Variants in SPATS2L observed in about 807,000 individuals in gnomAD.
The protein encoded by SPATS2L is spermatogenesis associated serine rich 2 like.
SPATS2L carries 30 observed loss-of-function variants against 59.6 expected under a neutral mutation model. The ratio of observed to expected loss-of-function variants is 0.50; its 90% CI spans 0.38 to 0.68. The LOEUF is 0.68. Ranked by LOEUF, SPATS2L falls within the 30% of genes least tolerant of loss-of-function variation. SPATS2L has a pLI of 0.00. For synonymous variants in SPATS2L, 252 were observed against 263.5 expected, an observed-to-expected ratio of 0.96 and a Z score of 0.42; for missense variants, 615 against 700.0, an observed-to-expected ratio of 0.88 and a Z score of 1.37.
chr2:200,470,660 G>A (rs1288189992), intron 11 of SPATS2L, among the ~76,000 whole-genome samples: 3 of 152,144 alleles, frequency 2.0e-5, no homozygotes, highest in Non-Finnish European at 4.4e-5. Flanking sequence ...AAGGAGGAAA[G>A]GACTAGTCAA....
At chr2:200,410,080 A>G (rs1419477893) in intron 3 of SPATS2L, among the ~76,000 whole-genome samples, 4 of 151,910 alleles carry the variant, frequency 2.6e-5, no homozygotes, top group Admixed American at 1.3e-4. Context: ...CCTTTGTCTA[A>G]TATAACTATA....
At chr2:200,396,585 G>A (rs959914844) in intron 3 of SPATS2L, among the ~76,000 whole-genome samples, 1 of 152,148 alleles carries the variant, frequency 6.6e-6, no homozygotes, top group Non-Finnish European at 1.5e-5. Flanking sequence ...TTTATGTGGG[G>A]TGGAGTATGG....
At chr2:200,473,106 C>A in intron 12 of SPATS2L, 54 bp downstream of exon 12, 1 of 1,441,464 alleles carries the variant, frequency 6.9e-7, no homozygotes, top group South Asian at 1.3e-5. Context: ...AAACCTGTTT[C>A]CAGAGGAAGA....
chr2:200,387,205 T>C (rs2082019122), intron 2 of SPATS2L, among the ~76,000 whole-genome samples: 1 of 152,216 alleles, frequency 6.6e-6, no homozygotes, highest in Admixed American at 6.5e-5. Flanking sequence ...ACAAAAGTAT[T>C]TGGGGCCTTA....
chr2:200,448,396 C>T (rs1559141518), intron 8 of SPATS2L, among the ~76,000 whole-genome samples: 1 of 152,152 alleles, frequency 6.6e-6, no homozygotes, highest in African/African-American at 2.4e-5. Flanking sequence ...GAGCTGAGAT[C>T]ACACCACCGC....
intron 2 of SPATS2L, among the ~76,000 whole-genome samples, chr2:200,383,397 T>C (rs912970830): frequency 1.3e-5 from 2 of 152,366 alleles, no homozygotes; most frequent in African/African-American, 4.8e-5. Flanking sequence ...AGACAGCTTA[T>C]ATTCCTTTTT....
rs3835867 is a variant in SPATS2L, at chr2:200,322,816, GA to G, written c.-72-6609del. ...GTTTCAATTCTTAGTAAAAATGGGG[GA>G]AAAAACCCAACTCTAGGAGTAATAT... is the stretch of plus-strand genomic sequence containing the variant. On this transcript the variant is annotated intron_variant, in intron 1 of 12. Coordinates refer to ENST00000409140, the MANE Select transcript of SPATS2L (RefSeq NM_001100423.2). Among the ~76,000 whole-genome samples the G allele has an allele frequency of 1.0e-3, 154 of 152,192 alleles. 5 individuals carry two copies. The East Asian group carries it at 0.025, about 25-fold the overall frequency.
chr2:200,321,150 G>A (rs2079548296), intron 1 of SPATS2L, among the ~76,000 whole-genome samples: 2 of 152,214 alleles, frequency 1.3e-5, no homozygotes, highest in East Asian at 1.9e-4. Flanking sequence ...ATTTGTGTGA[G>A]GTTGTGAGTG....
At chr2:200,342,155 C>T (rs948867475) in intron 2 of SPATS2L, among the ~76,000 whole-genome samples, 2 of 152,198 alleles carry the variant, frequency 1.3e-5, no homozygotes, top group Middle Eastern at 3.2e-3. Context: ...CACTAACTAT[C>T]ACTCACTGTG....
chr2:200,435,596 C>T lies in SPATS2L; in HGVS notation c.446-3526C>T, dbSNP rs566427534. On this transcript the variant is annotated intron_variant, in intron 6 of 12. Coordinates refer to ENST00000409140, the MANE Select transcript of SPATS2L (RefSeq NM_001100423.2). ...TCATTCAGTATTTATTATGTATCTACGAGATACCAAGCACATACAGTAATG... is the reference window on the plus strand; with the variant it reads ...TCATTCAGTATTTATTATGTATCTATGAGATACCAAGCACATACAGTAATG... 1.2e-4 allele frequency among the ~76,000 whole-genome samples: 18 copies of T among 152,178 alleles called. No homozygotes were observed. In the South Asian group the frequency reaches 2.7e-3, roughly 23 times the overall value.
chr2:200,378,424 G>A, intron 2 of SPATS2L: 1 of 1,000,544 alleles, frequency 1.0e-6, no homozygotes, highest in Non-Finnish European at 1.2e-6. Flanking sequence ...GTAATGGGGT[G>A]GGAAAGGGGG....
chr2:200,353,948 T>C (rs995524920), intron 2 of SPATS2L, among the ~76,000 whole-genome samples: 5 of 152,232 alleles, frequency 3.3e-5, no homozygotes, highest in South Asian at 2.1e-4. Flanking sequence ...TGGTGTCCAT[T>C]GGAAATATAC....
At chr2:200,331,817 C>T (rs1028428863) in intron 2 of SPATS2L, among the ~76,000 whole-genome samples, 1 of 152,180 alleles carries the variant, frequency 6.6e-6, no homozygotes, top group African/African-American at 2.4e-5. Flanking sequence ...ATTGGTAAGA[C>T]AGTGGTCGAC....
At chr2:200,383,505 C>T (rs752423654) in intron 2 of SPATS2L, among the ~76,000 whole-genome samples, 2 of 152,084 alleles carry the variant, frequency 1.3e-5, no homozygotes, top group Non-Finnish European at 2.9e-5. Context: ...TGAAAATGAC[C>T]TGGGAGTCAC....
intron 8 of SPATS2L, among the ~76,000 whole-genome samples, chr2:200,447,368 T>G (rs2085118573): frequency 6.6e-6 from 1 of 152,264 alleles, no homozygotes; most frequent in African/African-American, 2.4e-5. Context: ...ACAGAAGGTC[T>G]TTTACATATC....
intron 6 of SPATS2L, among the ~76,000 whole-genome samples, chr2:200,429,979 G>A (rs1039744268): frequency 1.3e-4 from 20 of 152,184 alleles, no homozygotes; most frequent in Non-Finnish European, 7.4e-5. Flanking sequence ...CTCACCTTAG[G>A]TTTACTTCCT....
At chr2:200,309,410 A>G (rs947674435) in intron 1 of SPATS2L, among the ~76,000 whole-genome samples, 1 of 152,208 alleles carries the variant, frequency 6.6e-6, no homozygotes, top group African/African-American at 2.4e-5. Context: ...AATGCATTTT[A>G]TGTGCACTTG....
chr2:200,453,424 T>G (rs2085606888), intron 8 of SPATS2L, among the ~76,000 whole-genome samples: 2 of 152,228 alleles, frequency 1.3e-5, no homozygotes, highest in Non-Finnish European at 2.9e-5. Context: ...ATTGAGAAAT[T>G]GGTGAGCTGA....
At position 200,308,934 on chromosome 2, in the gene SPATS2L, T is replaced by C. The variant is rs2079110452; in HGVS notation, c.-73+2012T>C. ...CAGTAAATAGTTTTTCTGCATGCACTGATTTTCCTGAGGCCATTGTGGAGA... is the reference window on the plus strand; with the variant it reads ...CAGTAAATAGTTTTTCTGCATGCACCGATTTTCCTGAGGCCATTGTGGAGA... On this transcript the variant is annotated intron_variant, in intron 1 of 12. Coordinates refer to ENST00000409140, the MANE Select transcript of SPATS2L (RefSeq NM_001100423.2). 8 of 660,430 alleles carry C rather than the reference T, an allele frequency of 1.2e-5. No homozygotes were observed. In the South Asian group the frequency reaches 1.4e-4, roughly 11 times the overall value. The allele number at this position is 660,430 out of a possible 1,614,324, so 40.9% of individuals were successfully genotyped here.
Sources: gnomAD v4.1 joint callset for allele counts (sites outside exome capture counted in the v4.1 genomes callset) on GRCh38, gnomAD v4.1.1 for gene constraint, MANE v1.5 for transcripts, NCBI Gene and HGNC (gene_info 2026-07-23, HGNC 2026-07-21) for gene names.